THRAP3: variants seen among roughly 807,000 people sequenced by gnomAD.
THRAP3 encodes thyroid hormone receptor-associated protein 3.
Under a neutral mutation model 101.0 loss-of-function variants are expected in THRAP3, and 16 were observed. That is an observed-to-expected ratio of 0.16 (90% CI 0.11 to 0.24). The LOEUF is 0.24. THRAP3 is among the 10% of genes least tolerant of loss of function. The pLI, the probability that THRAP3 is intolerant of heterozygous loss-of-function variation, is 1.00. For missense variants in THRAP3, 989 were observed against 1,202.7 expected (o/e 0.82, Z 2.63); for synonymous variants, 407 against 422.6 (o/e 0.96, Z 0.45).
intron 1 of THRAP3, among the ~76,000 whole-genome samples, chr1:36,232,299 C>G (rs911090570): frequency 4.6e-5 from 7 of 152,076 alleles, no homozygotes; most frequent in African/African-American, 1.7e-4. Flanking sequence ...GCTTTGTATA[C>G]TCATAAGTTC....
intron 1 of THRAP3, among the ~76,000 whole-genome samples, chr1:36,231,866 T>G (rs901296335): frequency 6.6e-6 from 1 of 152,134 alleles, no homozygotes; most frequent in Non-Finnish European, 1.5e-5. Context: ...AAACTTTTAA[T>G]ATGAAAGTGA....
chr1:36,261,659 G>A (rs916634172), intron 2 of THRAP3, among the ~76,000 whole-genome samples: 1 of 152,174 alleles, frequency 6.6e-6, no homozygotes. Context: ...TTCTGGTTGA[G>A]TGTGTGGATC....
chr1:36,287,591 A>C, intron 4 of THRAP3: 1 of 985,460 alleles, frequency 1.0e-6, no homozygotes, highest in Non-Finnish European at 1.2e-6. Context: ...TATCAAAAAA[A>C]AGTATGGTCT....
chr1:36,239,649 A>T (rs745318748), intron 1 of THRAP3, among the ~76,000 whole-genome samples: 13 of 152,178 alleles, frequency 8.5e-5, no homozygotes, highest in Non-Finnish European at 1.5e-4. Flanking sequence ...TATCAAGTGT[A>T]TTCTAGCAGG....
At chr1:36,299,274 A>C (rs1645999161) in intron 9 of THRAP3, among the ~76,000 whole-genome samples, 1 of 151,814 alleles carries the variant, frequency 6.6e-6, no homozygotes, top group African/African-American at 2.4e-5. Flanking sequence ...CCCTGTCTCT[A>C]CTAAAAATAC....
the THRAP3 span, among the ~76,000 whole-genome samples, chr1:36,212,516 G>A: frequency 6.8e-6 from 1 of 147,724 alleles, no homozygotes; most frequent in African/African-American, 2.5e-5. Flanking sequence ...CACCTCCTGC[G>A]TTCGAGCGAT....
At chr1:36,243,706 C>T (rs1433564545) in intron 1 of THRAP3, among the ~76,000 whole-genome samples, 3 of 152,170 alleles carry the variant, frequency 2.0e-5, no homozygotes, top group African/African-American at 7.2e-5. Context: ...CTCAATGAGC[C>T]GCTGGGCACA....
intron 2 of THRAP3, among the ~76,000 whole-genome samples, chr1:36,266,353 A>C (rs1645515041): frequency 6.6e-6 from 1 of 151,916 alleles, no homozygotes; most frequent in Non-Finnish European, 1.5e-5. Context: ...ACAACAACAA[A>C]CAAGAAAAAT....
At position 36,304,446 on chromosome 1, in the gene THRAP3, CT is replaced by C. The variant is rs78206872; in HGVS notation, c.*446del. On this transcript the variant is annotated 3_prime_UTR_variant, in exon 12 of 12. Coordinates refer to ENST00000354618, the MANE Select transcript of THRAP3 (RefSeq NM_005119.4). ...CTGTCCTGATTTTAAAAGCCCCCTC[CT>C]TTTTTTTTTTTTTTTTCTTTTTTTA... 10,392 of 179,896 alleles carry C rather than the reference CT, an allele frequency of 0.058. 12 individuals carry two copies. The highest frequency in any genetic ancestry group is 0.14 in the East Asian group (1,648 of 11,982). The allele number at this position is 179,896 out of a possible 1,614,324, so 11.1% of individuals were successfully genotyped here.
At chr1:36,229,019 T>C (rs1378941812) in intron 1 of THRAP3, among the ~76,000 whole-genome samples, 1 of 152,150 alleles carries the variant, frequency 6.6e-6, no homozygotes, top group Non-Finnish European at 1.5e-5. Flanking sequence ...AAAAGGTAAT[T>C]GCTCAAGGCT....
chr1:36,301,536 C>A lies in THRAP3; in HGVS notation c.2503-17C>A. On this transcript the variant is annotated splice_polypyrimidine_tract_variant and intron_variant, in intron 10 of 11. Transcript: ENST00000354618. ...TGGCATGATCCTTTGTTCTTTTTCC[C>A]TCATTTATTGCAATAGCAGTTTCGA... 6.2e-7 allele frequency: 1 copy of A among 1,606,046 alleles called. No homozygotes were observed. The highest frequency in any genetic ancestry group is 1.1e-5 in the South Asian group (1 of 90,382).
At chr1:36,261,533 A>C (rs771624563) in intron 2 of THRAP3, among the ~76,000 whole-genome samples, 5 of 152,172 alleles carry the variant, frequency 3.3e-5, no homozygotes, top group African/African-American at 4.8e-5. Flanking sequence ...ACTCCATCTC[A>C]AAAAAAGTAA....
chr1:36,242,358 G>T (rs1330846852), intron 1 of THRAP3, among the ~76,000 whole-genome samples: 1 of 151,746 alleles, frequency 6.6e-6, no homozygotes, highest in East Asian at 1.9e-4. Flanking sequence ...TTGCCATGTT[G>T]CCCAGGTTGA....
intron 1 of THRAP3, among the ~76,000 whole-genome samples, chr1:36,234,948 G>A (rs779852965): frequency 5.3e-5 from 8 of 151,806 alleles, no homozygotes; most frequent in Non-Finnish European, 1.2e-4. Context: ...GGAGTAGCTG[G>A]GATTACAGGC....
chr1:36,226,511 G>A (rs571839549), intron 1 of THRAP3, among the ~76,000 whole-genome samples: 1 of 152,142 alleles, frequency 6.6e-6, no homozygotes, highest in East Asian at 1.9e-4. Flanking sequence ...CACCTGCCTC[G>A]GCCTCCCAAA....
At chr1:36,226,251 T>G (rs189479246) in intron 1 of THRAP3, among the ~76,000 whole-genome samples, 31 of 152,168 alleles carry the variant, frequency 2.0e-4, no homozygotes, top group African/African-American at 7.5e-4. Context: ...TACACAGACA[T>G]ACGATTTATT....
chr1:36,216,865 G>A, the THRAP3 span, among the ~76,000 whole-genome samples: 1 of 152,164 alleles, frequency 6.6e-6, no homozygotes, highest in Non-Finnish European at 1.5e-5. Flanking sequence ...TGGCCCACAG[G>A]TTGTAGTTTG....
chr1:36,267,604 G>A lies in THRAP3; in HGVS notation c.-32+8120G>A, dbSNP rs996126431. On this transcript the variant is annotated intron_variant, in intron 2 of 11. Coordinates refer to ENST00000354618, the MANE Select transcript of THRAP3 (RefSeq NM_005119.4). Reference sequence around the variant, plus strand: ...CCAATTCCAGGGGTATTGATACTTTGTGGGGAGAAGAAAGAGGGAAGAAAG... The same window carrying A: ...CCAATTCCAGGGGTATTGATACTTTATGGGGAGAAGAAAGAGGGAAGAAAG... Among the ~76,000 whole-genome samples the A allele has an allele frequency of 1.3e-4, 20 of 152,316 alleles. No individual in the cohort carries two copies. In the South Asian group the frequency reaches 1.5e-3, roughly 11 times the overall value.
chr1:36,294,431 A>G (rs563141778), intron 8 of THRAP3, among the ~76,000 whole-genome samples: 2 of 152,332 alleles, frequency 1.3e-5, no homozygotes, highest in African/African-American at 4.8e-5. Context: ...CTTTAAAGCT[A>G]AAGATTACTT....
Sources: allele counts gnomAD v4.1 joint callset (sites outside exome capture counted in the v4.1 genomes callset), GRCh38; gene constraint gnomAD v4.1.1; transcripts MANE v1.5; gene names NCBI Gene and HGNC (gene_info 2026-07-23, HGNC 2026-07-21).